Variants in FUT9 observed in about 807,000 individuals in gnomAD.
FUT9 encodes fucosyltransferase 9.
Under a neutral mutation model 29.7 loss-of-function variants are expected in FUT9, and 15 were observed. The ratio of observed to expected loss-of-function variants is 0.51; its 90% CI spans 0.34 to 0.78. FUT9 has a LOEUF of 0.78. Among genes scored for constraint, FUT9 ranks in the 30% least tolerant of loss-of-function variants. The pLI is 0.01. For synonymous variants in FUT9, 169 were observed against 153.7 expected (o/e 1.10, Z -0.74); for missense variants, 319 against 425.4 (o/e 0.75, Z 2.20).
intron 2 of FUT9, among the ~76,000 whole-genome samples, chr6:96,128,936 G>A (rs562563206): frequency 1.2e-4 from 18 of 151,864 alleles, no homozygotes; most frequent in East Asian, 1.9e-4. Flanking sequence ...ATCAGCCTGC[G>A]CAACATGGTG....
intron 1 of FUT9, among the ~76,000 whole-genome samples, chr6:96,018,312 A>T (rs1283160287): frequency 6.6e-6 from 1 of 152,178 alleles, no homozygotes; most frequent in Non-Finnish European, 1.5e-5. Context: ...GCCCATAATT[A>T]TGTTAATGAT....
rs1020039819 is a variant in FUT9, at chr6:96,016,204, CT to C, written c.-105del. ...GAGCGCCCCGGATGGCGCTTTACCC[CT>C]AGGACCGGTGAGTAGGCGGGAGAGT... is the stretch of plus-strand genomic sequence containing the variant. On this transcript the variant is annotated 5_prime_UTR_variant, in exon 1 of 3. It removes the in-frame stop codon of an upstream open reading frame in the 5' UTR. Transcript: ENST00000302103. The C allele has an allele frequency of 6.5e-5, 10 of 153,026 alleles. No individual in the cohort carries two copies. The highest frequency in any genetic ancestry group is 2.2e-4 in the African/African-American group (9 of 41,456). 9.5% of individuals were successfully genotyped at this position (153,026 alleles called of 1,614,324 possible).
intron 2 of FUT9, among the ~76,000 whole-genome samples, chr6:96,150,401 G>A (rs2127976453): frequency 6.6e-6 from 1 of 152,316 alleles, no homozygotes; most frequent in East Asian, 1.9e-4. Flanking sequence ...GGCACCAACT[G>A]AAAAGAGGAC....
At chr6:96,114,306 T>C (rs551553343) in intron 2 of FUT9, among the ~76,000 whole-genome samples, 179 bp downstream of exon 2, 1 of 152,020 alleles carries the variant, frequency 6.6e-6, no homozygotes, top group East Asian at 1.9e-4. Context: ...GTTTTAACAT[T>C]CTATCAAAGT....
intron 1 of FUT9, among the ~76,000 whole-genome samples, chr6:96,070,375 T>C (rs1035423670): frequency 6.6e-6 from 1 of 152,230 alleles, no homozygotes; most frequent in East Asian, 1.9e-4. Flanking sequence ...AAGTTAACTA[T>C]GGCAAACCAT....
intron 2 of FUT9, among the ~76,000 whole-genome samples, chr6:96,196,832 A>T (rs1773635580): frequency 6.6e-6 from 1 of 152,174 alleles, no homozygotes; most frequent in Non-Finnish European, 1.5e-5. Flanking sequence ...TCTTCTCTGG[A>T]ATGCAGGTCT....
intron 2 of FUT9, among the ~76,000 whole-genome samples, chr6:96,143,216 C>T (rs1293449582): frequency 6.6e-6 from 1 of 152,196 alleles, no homozygotes; most frequent in East Asian, 1.9e-4. Flanking sequence ...AGAGCTGCCT[C>T]ACCCCTTTCT....
At chr6:96,032,624 A>G (rs1404686600) in intron 1 of FUT9, among the ~76,000 whole-genome samples, 1 of 151,644 alleles carries the variant, frequency 6.6e-6, no homozygotes, top group African/African-American at 2.4e-5. Context: ...TTTAATGTTA[A>G]GAATACCTGC....
chr6:96,140,429 A>T (rs1282795449), intron 2 of FUT9, among the ~76,000 whole-genome samples: 1 of 152,164 alleles, frequency 6.6e-6, no homozygotes, highest in Non-Finnish European at 1.5e-5. Flanking sequence ...CCCAGTTCCA[A>T]AGTCGCTTCC....
rs1431558232 is a variant in FUT9 at position 96,204,828 on chromosome 6, T to C, written c.*593T>C. The C allele has an allele frequency of 6.0e-6, 1 of 166,708 alleles. No individual in the cohort carries two copies. The highest frequency in any genetic ancestry group is 2.1e-4 in the South Asian group (1 of 4,832). The allele number at this position is 166,708 out of a possible 1,614,324, so 10.3% of individuals were successfully genotyped here. A position where few individuals can be genotyped will look rare whatever the true frequency, so the allele number is the denominator to read the frequency against. On this transcript the variant is annotated 3_prime_UTR_variant, in exon 3 of 3. Coordinates refer to ENST00000302103, the MANE Select transcript of FUT9 (RefSeq NM_006581.4). Reference sequence around the variant, plus strand: ...AAGATATGAAGCAGAACTGTTCTATTCGGGAAGCTATTAGACTTCTCATTT... The same window carrying C: ...AAGATATGAAGCAGAACTGTTCTATCCGGGAAGCTATTAGACTTCTCATTT...
chr6:96,090,745 C>T (rs1366435891), intron 1 of FUT9, among the ~76,000 whole-genome samples: 1 of 151,770 alleles, frequency 6.6e-6, no homozygotes, highest in Non-Finnish European at 1.5e-5. Context: ...AAAAAAGTTA[C>T]TACAATAATA....
At chr6:96,147,078 T>C (rs961533808) in intron 2 of FUT9, among the ~76,000 whole-genome samples, 1 of 152,008 alleles carries the variant, frequency 6.6e-6, no homozygotes, top group Non-Finnish European at 1.5e-5. Flanking sequence ...ACATACAGGA[T>C]AAAGCAACTC....
intron 1 of FUT9, among the ~76,000 whole-genome samples, chr6:96,069,603 AAACT>A (rs1419916753): frequency 1.3e-3 from 183 of 145,856 alleles, no homozygotes; most frequent in African/African-American, 4.4e-3. Context: ...TAAACAGAAC[AAACT>A]ATTATTTTTT....
chr6:96,063,856 G>A (rs752618820), intron 1 of FUT9, among the ~76,000 whole-genome samples: 1 of 152,138 alleles, frequency 6.6e-6, no homozygotes, highest in Non-Finnish European at 1.5e-5. Context: ...ATTTCATTGA[G>A]ATTCAGACTG....
chr6:96,016,484 A>G (rs2127918369), intron 1 of FUT9, among the ~76,000 whole-genome samples: 1 of 152,274 alleles, frequency 6.6e-6, no homozygotes, highest in East Asian at 1.9e-4. Flanking sequence ...CACTAGCAGC[A>G]GTAGATGGCC....
intron 1 of FUT9, among the ~76,000 whole-genome samples, chr6:96,074,504 A>G (rs1582212068): frequency 6.6e-6 from 1 of 152,144 alleles, no homozygotes; most frequent in Admixed American, 6.6e-5. Context: ...GTCTTCTGGC[A>G]TGTCCCTTTT....
chr6:96,113,968 T>C (rs533328801), intron 1 of FUT9, 71 bp from the exon 2 acceptor site: 6 of 151,226 alleles, frequency 4.0e-5, no homozygotes, highest in African/African-American at 1.2e-4. Context: ...TTTCTTTTGG[T>C]TATCTAGCTA....
chr6:96,116,411 C>T (rs1185850114), intron 2 of FUT9, among the ~76,000 whole-genome samples: 1 of 152,100 alleles, frequency 6.6e-6, no homozygotes, highest in East Asian at 1.9e-4. Context: ...ATATATGATC[C>T]AGTGATCCCA....
chr6:96,128,936 G>T (rs562563206), intron 2 of FUT9, among the ~76,000 whole-genome samples: 5 of 151,748 alleles, frequency 3.3e-5, no homozygotes, highest in Non-Finnish European at 7.4e-5. Context: ...ATCAGCCTGC[G>T]CAACATGGTG....
Sources: allele counts gnomAD v4.1 joint callset (sites outside exome capture counted in the v4.1 genomes callset), GRCh38; gene constraint gnomAD v4.1.1; transcripts MANE v1.5; gene names NCBI Gene and HGNC (gene_info 2026-07-23, HGNC 2026-07-21).